Variants in CFAP61 observed in about 807,000 individuals in gnomAD.
CFAP61 encodes the protein cilia- and flagella-associated protein 61.
In CFAP61, 107 loss-of-function variants were observed where a neutral mutation model predicts 135.6. The observed-to-expected ratio is 0.79, with a 90% CI of 0.67 to 0.93. CFAP61 has a LOEUF of 0.93. CFAP61 is among the 40% of genes least tolerant of loss of function. The pLI, the probability that CFAP61 is intolerant of heterozygous loss-of-function variation, is 0.00. For synonymous variants in CFAP61, 575 were observed against 578.5 expected (o/e 0.99, Z 0.09); for missense variants, 1,507 against 1,556.2 (o/e 0.97, Z 0.53).
At chr20:20,143,890 G>A (rs114979350) in intron 9 of CFAP61, among the ~76,000 whole-genome samples, 3 of 152,328 alleles carry the variant, frequency 2.0e-5, no homozygotes, top group African/African-American at 7.2e-5. Flanking sequence ...AGGCCAGGCT[G>A]AGAAAAGAAC....
chr20:20,231,951 C>T (rs1189138533), intron 18 of CFAP61, among the ~76,000 whole-genome samples: 1 of 151,902 alleles, frequency 6.6e-6, no homozygotes, highest in Non-Finnish European at 1.5e-5. Flanking sequence ...CCACCCCGTT[C>T]TTTGGGACTG....
At chr20:20,133,406 G>A (rs1041017123) in intron 8 of CFAP61, among the ~76,000 whole-genome samples, 2 of 152,176 alleles carry the variant, frequency 1.3e-5, no homozygotes, top group Non-Finnish European at 2.9e-5. Flanking sequence ...ATCTTGTACA[G>A]GTTCTCATGG....
intron 25 of CFAP61, among the ~76,000 whole-genome samples, chr20:20,333,068 A>C (rs947174356): frequency 1.3e-5 from 2 of 152,264 alleles, no homozygotes; most frequent in African/African-American, 4.8e-5. Context: ...GAAAAACTGC[A>C]GTTATGCCAA....
chr20:20,315,496 A>G (rs2057077421), intron 25 of CFAP61, among the ~76,000 whole-genome samples: 1 of 151,832 alleles, frequency 6.6e-6, no homozygotes, highest in Non-Finnish European at 1.5e-5. Context: ...TTGCCTGTTC[A>G]CTCTGATGGT....
At chr20:20,131,037 G>A (rs73903310) in intron 8 of CFAP61, among the ~76,000 whole-genome samples, 19,323 of 151,776 alleles carry the variant, frequency 0.13, 1,532 homozygotes, top group Non-Finnish European at 0.15. Context: ...ACTGTGAGTT[G>A]AGGGAAATTT....
chr20:20,082,909 C>T (rs1006026985), intron 6 of CFAP61, among the ~76,000 whole-genome samples: 2 of 152,158 alleles, frequency 1.3e-5, no homozygotes, highest in African/African-American at 4.8e-5. Context: ...TAAACTAGTA[C>T]AACCACTATG....
intron 2 of CFAP61, 61 bp downstream of exon 2, chr20:20,056,857 C>T (rs1408144378): frequency 1.7e-5 from 25 of 1,491,740 alleles, no homozygotes; most frequent in Non-Finnish European, 2.3e-5. Context: ...GTAGCTCACA[C>T]CTGTAATCTC....
At chr20:20,211,755 A>G (rs1026807679) in intron 17 of CFAP61, among the ~76,000 whole-genome samples, 1 of 152,186 alleles carries the variant, frequency 6.6e-6, no homozygotes, top group Non-Finnish European at 1.5e-5. Flanking sequence ...GTGCATTGAA[A>G]TTATCACCAT....
intron 26 of CFAP61, among the ~76,000 whole-genome samples, chr20:20,358,083 G>T (rs1411259216): frequency 1.4e-5 from 2 of 146,734 alleles, no homozygotes; most frequent in Admixed American, 1.4e-4. Flanking sequence ...CTGAGGGGAG[G>T]TGGTCACACT....
At chr20:20,134,478 G>A (rs569137536) in intron 8 of CFAP61, among the ~76,000 whole-genome samples, 7 of 152,148 alleles carry the variant, frequency 4.6e-5, no homozygotes, top group African/African-American at 1.7e-4. Context: ...CTATTACATC[G>A]GTCATATGTG....
intron 8 of CFAP61, among the ~76,000 whole-genome samples, chr20:20,142,128 G>A (rs2051451831): frequency 1.3e-5 from 2 of 152,166 alleles, no homozygotes; most frequent in Non-Finnish European, 2.9e-5. Flanking sequence ...AGAGAAAAAA[G>A]GAGGGGAGGA....
intron 8 of CFAP61, among the ~76,000 whole-genome samples, chr20:20,109,671 C>T (rs1046492662): frequency 2.6e-5 from 4 of 152,196 alleles, no homozygotes; most frequent in Non-Finnish European, 5.9e-5. Context: ...TTTATTCTCT[C>T]CTGTAGCTGT....
intron 26 of CFAP61, among the ~76,000 whole-genome samples, chr20:20,349,632 T>A (rs1377423216): frequency 3.3e-5 from 5 of 152,158 alleles, no homozygotes; most frequent in Admixed American, 3.3e-4. Flanking sequence ...AAGAAAACAA[T>A]TATAGTTATT....
chr20:20,201,458 A>G (rs1293182859), intron 17 of CFAP61, among the ~76,000 whole-genome samples: 4 of 152,346 alleles, frequency 2.6e-5, no homozygotes, highest in African/African-American at 9.6e-5. Context: ...GGTCACAGGC[A>G]TATTCTTAAG....
At chr20:20,293,891 G>C (rs909020137) in intron 24 of CFAP61, among the ~76,000 whole-genome samples, 1 of 152,156 alleles carries the variant, frequency 6.6e-6, no homozygotes, top group Admixed American at 6.5e-5. Context: ...CTGGGAACTT[G>C]ATTTCTTGAA....
At chr20:20,339,304 C>G (rs188933044) in intron 25 of CFAP61, among the ~76,000 whole-genome samples, 1 of 152,128 alleles carries the variant, frequency 6.6e-6, no homozygotes, top group South Asian at 2.1e-4. Flanking sequence ...AAGCTCATCA[C>G]GAATGCTGAT....
intron 2 of CFAP61, among the ~76,000 whole-genome samples, chr20:20,059,694 T>C (rs1029040816): frequency 1.3e-5 from 2 of 152,118 alleles, no homozygotes; most frequent in Non-Finnish European, 2.9e-5. Context: ...ATAGACCATC[T>C]AGAACTTAAA....
At chr20:20,175,894 G>T (rs1020984908) in intron 13 of CFAP61, among the ~76,000 whole-genome samples, 16 of 151,998 alleles carry the variant, frequency 1.1e-4, no homozygotes, top group Admixed American at 6.6e-5. Flanking sequence ...TATTACAAAA[G>T]AAACTATCAT....
intron 8 of CFAP61, among the ~76,000 whole-genome samples, chr20:20,132,758 G>A (rs563041907): frequency 2.6e-5 from 4 of 151,902 alleles, no homozygotes; most frequent in Non-Finnish European, 5.9e-5. Flanking sequence ...TCCTTCTTTA[G>A]TGATGTTTTT....
Sources: allele counts gnomAD v4.1 joint callset (sites outside exome capture counted in the v4.1 genomes callset), GRCh38; gene constraint gnomAD v4.1.1; transcripts MANE v1.5; gene names NCBI Gene and HGNC (gene_info 2026-07-23, HGNC 2026-07-21).